The following CNTN6 variants were observed in gnomAD, a reference collection of about 807,000 sequenced individuals.
The protein encoded by CNTN6 is contactin 6, also known as contactin-6.
In CNTN6, 137 loss-of-function variants were observed where a neutral mutation model predicts 122.8. The observed-to-expected ratio is 1.12, with a 90% CI of 0.97 to 1.29. The LOEUF (loss-of-function observed/expected upper bound fraction) is 1.29, where lower values mean the gene tolerates loss of function less well. Ranked by LOEUF, CNTN6 falls within the 50% of genes most tolerant of loss-of-function variation. The pLI is 0.00. For missense variants in CNTN6, 1,634 were observed against 1,223.4 expected (o/e 1.34, Z -5.01); for synonymous variants, 570 against 426.0 (o/e 1.34, Z -4.16).
intron 4 of CNTN6, among the ~76,000 whole-genome samples, chr3:1,266,706 C>G (rs1032970331): frequency 6.6e-6 from 1 of 152,146 alleles, no homozygotes; most frequent in African/African-American, 2.4e-5. Flanking sequence ...ACCACTCTTT[C>G]CAAGTGACCT....
At chr3:1,382,661 TTTA>T (rs1323323918) in intron 17 of CNTN6, among the ~76,000 whole-genome samples, 15 of 152,180 alleles carry the variant, frequency 9.9e-5, no homozygotes, top group African/African-American at 2.9e-4. Flanking sequence ...TTTAAACTGT[TTTA>T]TTATTATAAT....
At chr3:1,312,812 C>G (rs1699574052) in intron 7 of CNTN6, among the ~76,000 whole-genome samples, 1 of 137,932 alleles carries the variant, frequency 7.2e-6, no homozygotes, top group Admixed American at 7.4e-5. Context: ...GGTTCAAATC[C>G]TTTTTTTTTT....
At chr3:1,192,520 C>T (rs1415458397) in intron 2 of CNTN6, among the ~76,000 whole-genome samples, 1 of 152,010 alleles carries the variant, frequency 6.6e-6, no homozygotes, top group Non-Finnish European at 1.5e-5. Context: ...TATAATGGAC[C>T]CTGTGCTCAT....
At chr3:1,124,473 A>G (rs150841926) in intron 1 of CNTN6, among the ~76,000 whole-genome samples, 104 of 151,994 alleles carry the variant, frequency 6.8e-4, no homozygotes, top group African/African-American at 2.5e-3. Context: ...CCACACCTGT[A>G]CTTTTTCTAA....
chr3:1,286,444 G>A (rs138286654), intron 5 of CNTN6, among the ~76,000 whole-genome samples: 1,873 of 152,116 alleles, frequency 0.012, 51 homozygotes, highest in African/African-American at 0.042. Flanking sequence ...GAAAACCTGC[G>A]GTGTTTGGTT....
chr3:1,278,336 C>T (rs1559688060), intron 4 of CNTN6, 77 bp from the exon 5 acceptor site: 2 of 1,047,842 alleles, frequency 1.9e-6, no homozygotes, highest in South Asian at 1.6e-5. Flanking sequence ...ATAATAAAAA[C>T]ATTCTTGAGA....
chr3:1,221,703 T>A (rs1401300639), intron 3 of CNTN6, among the ~76,000 whole-genome samples: 1 of 152,210 alleles, frequency 6.6e-6, no homozygotes, highest in African/African-American at 2.4e-5. Context: ...TTTAAAAATA[T>A]ATGCATACGT....
chr3:1,198,661 G>C (rs1168325246), intron 2 of CNTN6, among the ~76,000 whole-genome samples: 1 of 151,786 alleles, frequency 6.6e-6, no homozygotes, highest in African/African-American at 2.4e-5. Context: ...GATGGAGTTT[G>C]CAGTGAGCCA....
intron 2 of CNTN6, among the ~76,000 whole-genome samples, chr3:1,164,899 T>C (rs1459548649): frequency 6.6e-6 from 1 of 152,196 alleles, no homozygotes; most frequent in African/African-American, 2.4e-5. Flanking sequence ...ATTATATCAC[T>C]GTACATCTGA....
In CNTN6 at chr3:1,280,459, A is replaced by ATTTTTTTTTTTTTTTTTTTTTTTTTTTTT. The variant is rs71619483; in HGVS notation, c.454+1974_454+1975insTTTTTTTTTTTTTTTTTTTTTTTTTTTTT. Among the ~76,000 whole-genome samples, 33 of 66,620 alleles carry ATTTTTTTTTTTTTTTTTTTTTTTTTTTTT rather than the reference A, an allele frequency of 5.0e-4. 7 individuals are homozygous for ATTTTTTTTTTTTTTTTTTTTTTTTTTTTT. Among genetic ancestry groups the ATTTTTTTTTTTTTTTTTTTTTTTTTTTTT allele is most frequent in the South Asian group, 1.2e-3 (2 of 1,692 alleles). The allele number at this position is 66,620 out of a possible 152,430, so 43.7% of individuals were successfully genotyped here. ...GTAATGGCAAACTTGTGTAATACCAATTTTTTTTTTTTTTTTTTTTTTTGT... is the reference window on the plus strand; with the variant it reads ...GTAATGGCAAACTTGTGTAATACCAATTTTTTTTTTTTTTTTTTTTTTTTTTTTTTTTTTTTTTTTTTTTTTTTTTTTGT... On this transcript the variant is annotated intron_variant, in intron 5 of 22. Transcript: ENST00000446702.
chr3:1,216,143 C>A (rs2094127301), intron 2 of CNTN6, among the ~76,000 whole-genome samples: 1 of 147,900 alleles, frequency 6.8e-6, no homozygotes, highest in African/African-American at 2.7e-5. Context: ...CATATTTCCC[C>A]ACTTTACTTT....
At chr3:1,363,021 T>C (rs1253842923) in intron 12 of CNTN6, among the ~76,000 whole-genome samples, 1 of 151,796 alleles carries the variant, frequency 6.6e-6, no homozygotes, top group African/African-American at 2.4e-5. Context: ...CTATCCCTAT[T>C]TAAAAATCCC....
intron 8 of CNTN6, among the ~76,000 whole-genome samples, chr3:1,322,835 C>T (rs1005218288): frequency 6.6e-6 from 1 of 151,522 alleles, no homozygotes; most frequent in Non-Finnish European, 1.5e-5. Flanking sequence ...ATTTTCTACT[C>T]ATTATTCTCC....
chr3:1,147,851 T>C (rs1031626613), intron 1 of CNTN6, 76 bp from the exon 2 acceptor site: 3 of 509,698 alleles, frequency 5.9e-6, no homozygotes, highest in African/African-American at 5.7e-5. Context: ...ATTGAATTAA[T>C]ATGCAACAAA....
rs112186307 is a variant in CNTN6 at position 1,153,270 on chromosome 3, C to G, written c.55+5207C>G. Among the ~76,000 whole-genome samples the G allele has an allele frequency of 2.2e-3, 340 of 152,262 alleles. 3 individuals are homozygous for G. The Middle Eastern group carries it at 0.024, about 11-fold the overall frequency. On this transcript the variant is annotated intron_variant, in intron 2 of 22. Transcript: ENST00000446702. ...AGAGCTAGTCACATGTATTGGCAGACTAGAATCAAAGCCCTCCTTGAGGGA... is the reference window on the plus strand; with the variant it reads ...AGAGCTAGTCACATGTATTGGCAGAGTAGAATCAAAGCCCTCCTTGAGGGA...
chr3:1,115,632 A>G (rs1222292598), intron 1 of CNTN6, among the ~76,000 whole-genome samples: 1 of 152,116 alleles, frequency 6.6e-6, no homozygotes, highest in Non-Finnish European at 1.5e-5. Flanking sequence ...CATGCCTGTA[A>G]TCCCAACTAC....
chr3:1,217,410 C>A (rs952234700), intron 2 of CNTN6, among the ~76,000 whole-genome samples: 13 of 152,166 alleles, frequency 8.5e-5, no homozygotes, highest in African/African-American at 3.1e-4. Flanking sequence ...GTGCATTGCA[C>A]TGGAGGGGAG....
intron 1 of CNTN6, among the ~76,000 whole-genome samples, chr3:1,124,194 T>C (rs2092070910): frequency 6.6e-6 from 1 of 152,000 alleles, no homozygotes; most frequent in Non-Finnish European, 1.5e-5. Flanking sequence ...TGCTCCTGGA[T>C]GTTCTACAAC....
In CNTN6 at chr3:1,155,893, T is replaced by C. The variant is rs143892535; in HGVS notation, c.55+7830T>C. ...CTTAGCTTATTGACACAGATGCCTA[T>C]GCAGAGAAAACTTCATAAAGCACGG... On this transcript the variant is annotated intron_variant, in intron 2 of 22. Transcript: ENST00000446702. Among the ~76,000 whole-genome samples, 160 of 152,366 alleles carry C rather than the reference T, an allele frequency of 1.1e-3. 1 individual carries two copies. Among genetic ancestry groups the C allele is most frequent in the African/African-American group, 3.4e-3 (143 of 41,594 alleles).
Sources: allele counts gnomAD v4.1 joint callset (sites outside exome capture counted in the v4.1 genomes callset), GRCh38; gene constraint gnomAD v4.1.1; transcripts MANE v1.5; gene names NCBI Gene and HGNC (gene_info 2026-07-23, HGNC 2026-07-21).